CHRM2: variants seen among roughly 807,000 people sequenced by gnomAD.
CHRM2 encodes the protein cholinergic receptor muscarinic 2, also known as muscarinic acetylcholine receptor M2.
Under a neutral mutation model 25.0 loss-of-function variants are expected in CHRM2, and 8 were observed. That is an observed-to-expected ratio of 0.32 (90% CI 0.19 to 0.58). CHRM2 has a LOEUF of 0.58. Ranked by LOEUF, CHRM2 falls within the 20% of genes least tolerant of loss-of-function variation. The probability of loss-of-function intolerance (pLI) is 0.88; values close to 1 mark genes in which losing one functional copy is unlikely to be tolerated. For missense variants in CHRM2, 440 were observed against 567.1 expected (o/e 0.78, Z 2.28); for synonymous variants, 202 against 205.7 (o/e 0.98, Z 0.15).
intron 2 of CHRM2, among the ~76,000 whole-genome samples, chr7:136,900,784 C>A (rs545676502): frequency 6.6e-6 from 1 of 151,788 alleles, no homozygotes; most frequent in Non-Finnish European, 1.5e-5. Flanking sequence ...TTTGGTTTTC[C>A]GTATGTGCAG....
intron 3 of CHRM2, among the ~76,000 whole-genome samples, chr7:137,002,776 TAGAG>T (rs760461169): frequency 1.3e-5 from 2 of 152,134 alleles, no homozygotes; most frequent in Non-Finnish European, 2.9e-5. Context: ...TTGAGAGAAA[TAGAG>T]AGTACATGCT....
chr7:137,015,932 A>C lies in CHRM2; in HGVS notation c.1067A>C (p.Glu356Ala). 1.2e-6 allele frequency: 2 copies of C among 1,613,202 alleles called. No individual in the cohort carries two copies. The highest frequency in any genetic ancestry group is 1.3e-5 in the African/African-American group (1 of 74,962). ...VVGSSGQNGD[E>A]KQNIVARKIV... ...GGGTCTTCAGGTCAGAATGGAGATG[A>C]AAAGCAGAATATTGTAGCCCGCAAG... The change falls in exon 4 of 4, where the codon GAA becomes GCA. Residue 356 changes from glutamate to alanine, a missense_variant. This residue lies in a region of CHRM2 where 261 missense variants were observed against 261.8 expected (regional missense o/e 1.00). Transcript: ENST00000680005. The surrounding 1 kb of genome is among the most constrained non-coding windows in gnomAD (Gnocchi z 5.1).
intron 2 of CHRM2, among the ~76,000 whole-genome samples, chr7:136,968,725 T>A (rs1455973568): frequency 8.0e-6 from 1 of 124,612 alleles, no homozygotes; most frequent in Admixed American, 7.8e-5. Context: ...ATCATAAATA[T>A]ATATATATAT....
At chr7:136,902,980 G>C (rs2130631936) in intron 2 of CHRM2, 1 of 387,684 alleles carries the variant, frequency 2.6e-6, no homozygotes, top group East Asian at 7.2e-5. Context: ...TTCTCAGCCT[G>C]GGATTAACCT....
At chr7:136,930,745 A>C (rs1320112160) in intron 2 of CHRM2, among the ~76,000 whole-genome samples, 1 of 151,848 alleles carries the variant, frequency 6.6e-6, no homozygotes, top group Non-Finnish European at 1.5e-5. Flanking sequence ...AAAATACAAA[A>C]AATCAGCCAG....
At chr7:136,914,623 G>GA (rs1268903589) in intron 2 of CHRM2, among the ~76,000 whole-genome samples, 42 of 151,836 alleles carry the variant, frequency 2.8e-4, no homozygotes, top group Non-Finnish European at 4.9e-4. Flanking sequence ...TTATATCAGA[G>GA]AAAAAATGTT....
intron 2 of CHRM2, among the ~76,000 whole-genome samples, chr7:136,950,015 G>A (rs555784463): frequency 3.2e-4 from 49 of 152,084 alleles, no homozygotes; most frequent in Non-Finnish European, 7.2e-4. Flanking sequence ...CCATCATCTG[G>A]TATTATAATA....
Position 137,018,506 on chromosome 7 carries a change from T to C in CHRM2, c.*2240T>C, listed in dbSNP as rs574189913. ...CTCGAGTTTCTGAAAACCAGAGAATTGACTAGCCAAGTATTTCCCTTTTTA... is the reference window on the plus strand; with the variant it reads ...CTCGAGTTTCTGAAAACCAGAGAATCGACTAGCCAAGTATTTCCCTTTTTA... On this transcript the variant is annotated 3_prime_UTR_variant, in exon 4 of 4. Transcript: ENST00000680005. 9.0e-4 allele frequency: 136 copies of C among 151,938 alleles called. No homozygotes were observed. The highest frequency in any genetic ancestry group is 1.6e-3 in the Non-Finnish European group (107 of 67,904). The allele number at this position is 151,938 out of a possible 1,614,324, so 9.4% of individuals were successfully genotyped here.
At chr7:136,901,412 A>C (rs1389899727) in intron 2 of CHRM2, among the ~76,000 whole-genome samples, 2 of 152,066 alleles carry the variant, frequency 1.3e-5, no homozygotes, top group Non-Finnish European at 2.9e-5. Context: ...AAATAGACAC[A>C]CTAAATATTG....
chr7:136,980,122 G>A (rs931809484), intron 2 of CHRM2, among the ~76,000 whole-genome samples: 1 of 152,048 alleles, frequency 6.6e-6, no homozygotes, highest in African/African-American at 2.4e-5. Flanking sequence ...TTACCTCCTT[G>A]AGCAGTGGTT....
At chr7:136,910,830 T>TGTGTGAGA (rs377403672) in intron 2 of CHRM2, among the ~76,000 whole-genome samples, 33 of 149,716 alleles carry the variant, frequency 2.2e-4, no homozygotes, top group African/African-American at 7.4e-4. Flanking sequence ...TGTGTGTGTG[T>TGTGTGAGA]GAGAGAGAGA....
intron 2 of CHRM2, among the ~76,000 whole-genome samples, chr7:136,943,201 A>C (rs770057318): frequency 6.6e-6 from 1 of 152,136 alleles, no homozygotes. Context: ...GTGACATCCA[A>C]TCATTAGAGA....
intron 2 of CHRM2, among the ~76,000 whole-genome samples, chr7:136,964,949 T>C (rs1584838853): frequency 6.6e-6 from 1 of 152,158 alleles, no homozygotes; most frequent in African/African-American, 2.4e-5. Flanking sequence ...CTAGGTATTA[T>C]AAAGTCTTAC....
chr7:136,962,805 G>A (rs560235547), intron 2 of CHRM2, among the ~76,000 whole-genome samples: 2 of 152,118 alleles, frequency 1.3e-5, no homozygotes, highest in Admixed American at 6.5e-5. Context: ...CTGAAAAACC[G>A]CCTCATTGTG....
chr7:137,013,395 T>C (rs1032321223), intron 3 of CHRM2, among the ~76,000 whole-genome samples: 4 of 151,992 alleles, frequency 2.6e-5, no homozygotes, highest in African/African-American at 9.7e-5. Context: ...CAAATTATTT[T>C]CTACATGGAT....
chr7:136,993,313 TC>T (rs1228617266), intron 3 of CHRM2, among the ~76,000 whole-genome samples: 2 of 152,158 alleles, frequency 1.3e-5, no homozygotes, highest in Non-Finnish European at 2.9e-5. Context: ...GCTATGAGAC[TC>T]CCTTGATTTC....
At chr7:137,009,069 C>G (rs1804637973) in intron 3 of CHRM2, among the ~76,000 whole-genome samples, 1 of 151,976 alleles carries the variant, frequency 6.6e-6, no homozygotes, top group East Asian at 1.9e-4. Flanking sequence ...CGCAAAAATC[C>G]CAAAACTTAG....
At chr7:137,006,292 A>AT (rs1427571694) in intron 3 of CHRM2, among the ~76,000 whole-genome samples, 7 of 152,118 alleles carry the variant, frequency 4.6e-5, no homozygotes, top group Non-Finnish European at 8.8e-5. Context: ...TGTGTGAACG[A>AT]ATTAATGAAA....
intron 3 of CHRM2, among the ~76,000 whole-genome samples, chr7:137,005,849 C>A (rs564060387): frequency 4.3e-4 from 66 of 152,180 alleles, no homozygotes; most frequent in Non-Finnish European, 4.9e-4. Flanking sequence ...CAGCAGCCTG[C>A]CGACTTTAGG....
Sources: allele counts gnomAD v4.1 joint callset (sites outside exome capture counted in the v4.1 genomes callset), GRCh38; gene constraint gnomAD v4.1.1; regional missense constraint gnomAD v4.1.1; non-coding constraint Gnocchi (gnomAD v3.1); transcripts MANE v1.5; gene names NCBI Gene and HGNC (gene_info 2026-07-23, HGNC 2026-07-21).